Variants in ZNF90 observed in about 807,000 individuals in gnomAD.
ZNF90 encodes the protein zinc finger protein HTF9.
Under a neutral mutation model 12.0 loss-of-function variants are expected in ZNF90, and 11 were observed. The observed-to-expected ratio is 0.92, with a 90% CI of 0.58 to 1.52. ZNF90 has a LOEUF of 1.52. Ranked by LOEUF, ZNF90 falls within the 40% of genes most tolerant of loss-of-function variation. The pLI is 0.00. For missense variants in ZNF90, 765 were observed against 711.5 expected (o/e 1.08, Z -0.86); for synonymous variants, 232 against 240.1 (o/e 0.97, Z 0.31).
chr19:20,086,107 G>A (rs1402033364), intron 1 of ZNF90, among the ~76,000 whole-genome samples: 5 of 152,044 alleles, frequency 3.3e-5, no homozygotes, highest in Non-Finnish European at 7.4e-5. Flanking sequence ...ACAGTTCAGT[G>A]CATAAACTGA....
intron 1 of ZNF90, 64 bp from the exon 2 acceptor site, chr19:20,104,175 A>G (rs1234441348): frequency 5.0e-6 from 8 of 1,604,582 alleles, no homozygotes; most frequent in Non-Finnish European, 6.8e-6. Context: ...ACCTTAACTC[A>G]AATTACAAAC....
intron 1 of ZNF90, among the ~76,000 whole-genome samples, chr19:20,085,391 C>G (rs2122476844): frequency 6.6e-6 from 1 of 151,912 alleles, no homozygotes; most frequent in East Asian, 1.9e-4. Context: ...TCCCGAATAG[C>G]TGGGACTACA....
intron 3 of ZNF90, among the ~76,000 whole-genome samples, chr19:20,106,310 A>T (rs1555704437): frequency 6.6e-6 from 1 of 151,744 alleles, no homozygotes; most frequent in Non-Finnish European, 1.5e-5. Context: ...CTTTTTACTT[A>T]TTTTTCTTCA....
chr19:20,115,882 G>A (rs536504433), intron 3 of ZNF90, among the ~76,000 whole-genome samples: 2 of 151,768 alleles, frequency 1.3e-5, no homozygotes, highest in African/African-American at 4.8e-5. Context: ...ATTTATTTCT[G>A]TATTTATTTT....
At chr19:20,081,849 C>G (rs2088822530) in intron 1 of ZNF90, among the ~76,000 whole-genome samples, 1 of 151,252 alleles carries the variant, frequency 6.6e-6, no homozygotes, top group South Asian at 2.1e-4. Context: ...ACTGCAAGGT[C>G]TGCCTCCCAG....
intron 3 of ZNF90, among the ~76,000 whole-genome samples, chr19:20,113,297 TCTC>T (rs1318304218): frequency 2.0e-5 from 3 of 152,012 alleles, no homozygotes; most frequent in African/African-American, 7.2e-5. Context: ...TTCAAGCCCT[TCTC>T]CTGCCTCAGC....
At chr19:20,083,830 C>T (rs1483605780) in intron 1 of ZNF90, among the ~76,000 whole-genome samples, 1 of 152,156 alleles carries the variant, frequency 6.6e-6, no homozygotes, top group East Asian at 1.9e-4. Context: ...ATACATTAGC[C>T]TGAACCTTTC....
At chr19:20,088,202 AT>A (rs1408681772) in intron 1 of ZNF90, among the ~76,000 whole-genome samples, 1 of 150,476 alleles carries the variant, frequency 6.6e-6, no homozygotes, top group Non-Finnish European at 1.5e-5. Flanking sequence ...GGCGGCAAAA[AT>A]TTTTGGGGGG....
chr19:20,090,606 G>C (rs868979894), intron 1 of ZNF90, among the ~76,000 whole-genome samples: 2 of 152,162 alleles, frequency 1.3e-5, no homozygotes, highest in Non-Finnish European at 2.9e-5. Flanking sequence ...ACAACTGATC[G>C]TCCAGCTAGG....
intron 3 of ZNF90, among the ~76,000 whole-genome samples, chr19:20,114,376 ATC>A (rs2089117904): frequency 6.6e-6 from 1 of 152,318 alleles, no homozygotes; most frequent in African/African-American, 2.4e-5. Flanking sequence ...GCAAAGCTAA[ATC>A]TCTATACACA....
At chr19:20,088,290 G>T (rs1052712932) in intron 1 of ZNF90, among the ~76,000 whole-genome samples, 3 of 152,132 alleles carry the variant, frequency 2.0e-5, no homozygotes, top group Non-Finnish European at 4.4e-5. Context: ...ACCTAGAGTG[G>T]GAGAGATTAA....
At chr19:20,113,476 G>GC (rs200429845) in intron 3 of ZNF90, among the ~76,000 whole-genome samples, 4,794 of 151,956 alleles carry the variant, frequency 0.032, 103 homozygotes, top group Middle Eastern at 0.065. Context: ...ACAGGCGTAA[G>GC]CCACCGCACG....
chr19:20,099,429 C>CA (rs2122499424), intron 1 of ZNF90, among the ~76,000 whole-genome samples: 1 of 152,254 alleles, frequency 6.6e-6, no homozygotes, highest in South Asian at 2.1e-4. Context: ...TTTTTTCCCT[C>CA]AATCACATGG....
intron 1 of ZNF90, among the ~76,000 whole-genome samples, chr19:20,088,678 T>G (rs887722100): frequency 2.0e-5 from 3 of 152,218 alleles, no homozygotes; most frequent in Admixed American, 1.3e-4. Context: ...AGTCAAGGCC[T>G]CGGCAGTTTT....
intron 1 of ZNF90, among the ~76,000 whole-genome samples, chr19:20,094,071 T>G (rs2088923750): frequency 6.6e-6 from 1 of 152,210 alleles, no homozygotes; most frequent in Non-Finnish European, 1.5e-5. Flanking sequence ...TGGCCAGATT[T>G]CTGGCACTTG....
intron 3 of ZNF90, chr19:20,117,451 C>G (rs1388552354): frequency 7.0e-6 from 1 of 141,988 alleles, no homozygotes; most frequent in Admixed American, 7.0e-5. Context: ...CTCCCTCCCT[C>G]CCTCCTTCCT....
At chr19:20,117,009 A>G (rs1463748520) in intron 3 of ZNF90, among the ~76,000 whole-genome samples, 1 of 114,384 alleles carries the variant, frequency 8.7e-6, no homozygotes. Flanking sequence ...TTGGCAACTT[A>G]CATTTGTGTG....
chr19:20,093,526 A>G (rs1361605500), intron 1 of ZNF90, among the ~76,000 whole-genome samples: 2 of 152,158 alleles, frequency 1.3e-5, no homozygotes, highest in African/African-American at 2.4e-5. Flanking sequence ...GAAGGGCGGC[A>G]ATGAGATGTG....
chr19:20,103,776 C>T (rs1314792335), intron 1 of ZNF90, among the ~76,000 whole-genome samples: 7 of 151,698 alleles, frequency 4.6e-5, no homozygotes, highest in African/African-American at 1.2e-4. Flanking sequence ...TATTCGTGAG[C>T]TTGTTAGAAA....
Sources: gnomAD v4.1 joint callset for allele counts (sites outside exome capture counted in the v4.1 genomes callset) on GRCh38, gnomAD v4.1.1 for gene constraint, MANE v1.5 for transcripts, NCBI Gene and HGNC (gene_info 2026-07-23, HGNC 2026-07-21) for gene names.